The following KDM2A variants were observed in gnomAD, a reference collection of about 807,000 sequenced individuals.
The protein encoded by KDM2A is lysine-specific demethylase 2A.
KDM2A carries 3 observed loss-of-function variants against 137.3 expected under a neutral mutation model. That is an observed-to-expected ratio of 0.02 (90% CI 0.01 to 0.06). The LOEUF (loss-of-function observed/expected upper bound fraction) is 0.06. Ranked by LOEUF, KDM2A falls within the 10% of genes least tolerant of loss-of-function variation. The pLI, the probability that KDM2A is intolerant of heterozygous loss-of-function variation, is 1.00. For missense variants in KDM2A, 738 were observed against 1,510.6 expected, an observed-to-expected ratio of 0.49 and a Z score of 8.48; for synonymous variants, 512 against 541.5, an observed-to-expected ratio of 0.95 and a Z score of 0.76.
At chr11:67,191,427 C>A (rs1857351647) in intron 5 of KDM2A, among the ~76,000 whole-genome samples, 2 of 152,084 alleles carry the variant, frequency 1.3e-5, no homozygotes, top group African/African-American at 4.8e-5. Flanking sequence ...CCTTTTTGAA[C>A]AATGATGTAA....
intron 8 of KDM2A, 120 bp from the exon 9 acceptor site, chr11:67,217,610 TG>T: frequency 1.1e-6 from 1 of 914,268 alleles, no homozygotes; most frequent in Non-Finnish European, 1.7e-6. Context: ...TTCTATAGGC[TG>T]GGAAAATTGC....
At chr11:67,147,483 A>C (rs749463357) in intron 2 of KDM2A, among the ~76,000 whole-genome samples, 1 of 151,196 alleles carries the variant, frequency 6.6e-6, no homozygotes, top group African/African-American at 2.4e-5. Flanking sequence ...TGGAGCTTGC[A>C]GTGAGCCGAG....
At chr11:67,236,498 T>A (rs1197964380) in intron 12 of KDM2A, among the ~76,000 whole-genome samples, 1 of 152,214 alleles carries the variant, frequency 6.6e-6, no homozygotes, top group Non-Finnish European at 1.5e-5. Context: ...TAGTTCTTAA[T>A]ATATATGCAT....
intron 5 of KDM2A, among the ~76,000 whole-genome samples, chr11:67,185,617 T>G (rs1366392162): frequency 6.6e-6 from 1 of 151,160 alleles, no homozygotes; most frequent in African/African-American, 2.4e-5. Flanking sequence ...CTAGCCTTGG[T>G]GACGAGCGAA....
chr11:67,165,284 G>T (rs1186120098), intron 2 of KDM2A, among the ~76,000 whole-genome samples: 2 of 151,938 alleles, frequency 1.3e-5, no homozygotes, highest in African/African-American at 2.4e-5. Context: ...CGCCACACCT[G>T]GCTAATTTTG....
chr11:67,229,961 G>A (rs1394842310), intron 11 of KDM2A, among the ~76,000 whole-genome samples: 1 of 152,026 alleles, frequency 6.6e-6, no homozygotes, highest in Non-Finnish European at 1.5e-5. Context: ...CCAATCACGA[G>A]GTCAGGAGAT....
At chr11:67,240,134 G>A (rs1858984088) in intron 12 of KDM2A, 1 of 1,407,686 alleles carries the variant, frequency 7.1e-7, no homozygotes, top group Non-Finnish European at 9.2e-7. Flanking sequence ...TGAAGGGCTC[G>A]AGAAGGAGCC....
intron 2 of KDM2A, among the ~76,000 whole-genome samples, chr11:67,177,715 A>AT (rs1023340796): frequency 1.2e-4 from 19 of 152,180 alleles, no homozygotes; most frequent in African/African-American, 4.3e-4. Flanking sequence ...GAAAAAAAAA[A>AT]GTAGAAGGAA....
intron 9 of KDM2A, 117 bp from the exon 10 acceptor site, chr11:67,219,171 C>T (rs1469314928): frequency 2.2e-6 from 1 of 449,370 alleles, no homozygotes; most frequent in East Asian, 3.5e-5. Flanking sequence ...CTTGACAAAC[C>T]ACTAAGAAGC....
rs377116306 is a variant in KDM2A, at chr11:67,211,613, CAAAAAA to C, written c.487-3705_487-3700del. Among the ~76,000 whole-genome samples the C allele has an allele frequency of 3.0e-4, 15 of 50,258 alleles. No individual in the cohort carries two copies. In the South Asian group the frequency reaches 6.9e-3, roughly 23 times the overall value. The allele number at this position is 50,258 out of a possible 152,430, so 33.0% of individuals were successfully genotyped here. ...TGGGTGACACAGTGAGACCCTGTCT[CAAAAAA>C]AAAAAAAAAAAAAAAAAAAAAGAAT... On this transcript the variant is annotated intron_variant, in intron 6 of 20. Transcript: ENST00000529006.
At chr11:67,191,104 C>T (rs986808064) in intron 5 of KDM2A, among the ~76,000 whole-genome samples, 2 of 151,996 alleles carry the variant, frequency 1.3e-5, no homozygotes, top group African/African-American at 2.4e-5. Flanking sequence ...AATGCAGTGG[C>T]GCGATCTCGG....
chr11:67,249,613 C>A (rs1220528856), intron 16 of KDM2A, among the ~76,000 whole-genome samples: 1 of 152,124 alleles, frequency 6.6e-6, no homozygotes, highest in Non-Finnish European at 1.5e-5. Flanking sequence ...CTGTAGCAAC[C>A]CAGTTTCTCA....
intron 9 of KDM2A, among the ~76,000 whole-genome samples, chr11:67,218,477 G>A (rs1348385957): frequency 6.6e-6 from 1 of 152,058 alleles, no homozygotes; most frequent in Non-Finnish European, 1.5e-5. Flanking sequence ...GCCTCATGCA[G>A]CCCAGGATGG....
chr11:67,127,213 C>T (rs1855751110), intron 2 of KDM2A, among the ~76,000 whole-genome samples: 1 of 152,186 alleles, frequency 6.6e-6, no homozygotes, highest in Non-Finnish European at 1.5e-5. Context: ...CCTCCCATCT[C>T]AGCATGTAGC....
At chr11:67,184,207 A>C (rs527972995) in intron 5 of KDM2A, among the ~76,000 whole-genome samples, 1 of 150,770 alleles carries the variant, frequency 6.6e-6, no homozygotes, top group African/African-American at 2.4e-5. Context: ...TTAAAGGGCT[A>C]TTGTGGCCGG....
chr11:67,182,461 G>A (rs1457591375), intron 5 of KDM2A, among the ~76,000 whole-genome samples: 1 of 151,696 alleles, frequency 6.6e-6, no homozygotes, highest in Non-Finnish European at 1.5e-5. Flanking sequence ...AGACAGTGGT[G>A]TTCATTGTGG....
Position 67,228,018 on chromosome 11 carries a change from CTATTT to C in KDM2A, c.958-14_958-10del, listed in dbSNP as rs1858599786. ...TTCCTTGAAAATCGTCATCTTTTCT[CTATTT>C]TATTCCTCTGTAGGTTCCAAATAAG... On this transcript the variant is annotated splice_polypyrimidine_tract_variant and intron_variant, in intron 10 of 20. Coordinates refer to ENST00000529006, the MANE Select transcript of KDM2A (RefSeq NM_012308.3). 2 of 1,605,452 alleles carry C rather than the reference CTATTT, an allele frequency of 1.2e-6. No homozygotes were observed. The highest frequency in any genetic ancestry group is 2.7e-5 in the African/African-American group (2 of 74,708).
intron 13 of KDM2A, among the ~76,000 whole-genome samples, chr11:67,244,419 G>A (rs1183702530): frequency 2.0e-5 from 3 of 152,166 alleles, no homozygotes; most frequent in Non-Finnish European, 4.4e-5. Flanking sequence ...GGAGTTTACT[G>A]TCTTCTTTAG....
chr11:67,145,552 T>G (rs1267572410), intron 2 of KDM2A, among the ~76,000 whole-genome samples: 2 of 151,992 alleles, frequency 1.3e-5, no homozygotes. Context: ...GCACCCCATT[T>G]TTTTTTTCAT....
Sources: gnomAD v4.1 joint callset for allele counts (sites outside exome capture counted in the v4.1 genomes callset) on GRCh38, gnomAD v4.1.1 for gene constraint, MANE v1.5 for transcripts, NCBI Gene and HGNC (gene_info 2026-07-23, HGNC 2026-07-21) for gene names.